Variants in ST6GALNAC3 observed in about 807,000 individuals in gnomAD.
ST6GALNAC3 encodes alpha-N-acetylgalactosaminide alpha-2,6-sialyltransferase 3.
A neutral mutation model predicts 32.7 loss-of-function variants in ST6GALNAC3; 25 were observed. That is an observed-to-expected ratio of 0.76 (90% CI 0.56 to 1.07). The LOEUF is 1.07. Among genes scored for constraint, ST6GALNAC3 ranks in the 50% least tolerant of loss-of-function variants. The pLI, the probability that ST6GALNAC3 is intolerant of heterozygous loss-of-function variation, is 0.00. For synonymous variants in ST6GALNAC3, 129 were observed against 133.1 expected (o/e 0.97, Z 0.21); for missense variants, 355 against 382.4 (o/e 0.93, Z 0.60).
intron 2 of ST6GALNAC3, among the ~76,000 whole-genome samples, chr1:76,325,323 T>C (rs1647047171): frequency 6.6e-6 from 1 of 152,224 alleles, no homozygotes; most frequent in African/African-American, 2.4e-5. Context: ...AAATAATTCC[T>C]GTCCTCTTTA....
At chr1:76,205,837 A>C (rs1277328335) in intron 1 of ST6GALNAC3, among the ~76,000 whole-genome samples, 4 of 46,250 alleles carry the variant, frequency 8.6e-5, no homozygotes, top group Non-Finnish European at 2.3e-4. Context: ...AGCACTAGGG[A>C]TGTTAAAGAT....
chr1:76,536,893 A>G (rs1663644916), intron 3 of ST6GALNAC3, among the ~76,000 whole-genome samples: 1 of 152,130 alleles, frequency 6.6e-6, no homozygotes, highest in South Asian at 2.1e-4. Flanking sequence ...ATAGTGGGAG[A>G]CTTTTACACC....
At chr1:76,512,632 G>A (rs1386924002) in intron 3 of ST6GALNAC3, among the ~76,000 whole-genome samples, 1 of 151,976 alleles carries the variant, frequency 6.6e-6, no homozygotes, top group Non-Finnish European at 1.5e-5. Context: ...ATTAACAATT[G>A]TCACCTACTG....
chr1:76,140,825 T>C (rs1291774648), intron 1 of ST6GALNAC3, among the ~76,000 whole-genome samples: 3 of 143,030 alleles, frequency 2.1e-5, no homozygotes, highest in Non-Finnish European at 4.5e-5. Flanking sequence ...TTTTTTGGTA[T>C]AGAGGGTCTT....
At chr1:76,165,729 A>C (rs913077705) in intron 1 of ST6GALNAC3, among the ~76,000 whole-genome samples, 2 of 152,192 alleles carry the variant, frequency 1.3e-5, no homozygotes, top group Non-Finnish European at 2.9e-5. Flanking sequence ...GTGAGATGGC[A>C]TCTCATTGTG....
At chr1:76,432,001 C>T (rs1340675501) in intron 3 of ST6GALNAC3, among the ~76,000 whole-genome samples, 1 of 152,190 alleles carries the variant, frequency 6.6e-6, no homozygotes, top group Non-Finnish European at 1.5e-5. Context: ...CTCTCTCTCC[C>T]CTAACCCCTA....
intron 1 of ST6GALNAC3, among the ~76,000 whole-genome samples, chr1:76,287,160 G>A (rs779026245): frequency 1.1e-4 from 17 of 152,174 alleles, no homozygotes; most frequent in Non-Finnish European, 2.2e-4. Context: ...TGGGAAAATA[G>A]TCTTGAAGAG....
chr1:76,469,896 G>A (rs1375151192), intron 3 of ST6GALNAC3, among the ~76,000 whole-genome samples: 1 of 151,990 alleles, frequency 6.6e-6, no homozygotes. Context: ...ATTTGCCCAG[G>A]GGTTACAAGG....
chr1:76,490,787 C>A, intron 3 of ST6GALNAC3, among the ~76,000 whole-genome samples: 1 of 152,064 alleles, frequency 6.6e-6, no homozygotes, highest in Admixed American at 6.6e-5. Context: ...GTTACACCTA[C>A]TCCCCGTCTT....
chr1:76,236,876 A>G (rs751271749), intron 1 of ST6GALNAC3, among the ~76,000 whole-genome samples: 2 of 152,230 alleles, frequency 1.3e-5, no homozygotes, highest in African/African-American at 4.8e-5. Flanking sequence ...CAGATAAAAG[A>G]TAGTCATTTT....
intron 1 of ST6GALNAC3, among the ~76,000 whole-genome samples, chr1:76,128,044 C>G (rs1178274430): frequency 2.0e-5 from 3 of 152,102 alleles, no homozygotes; most frequent in Non-Finnish European, 2.9e-5. Flanking sequence ...GGCTGCCAAT[C>G]CCAGGTGGGG....
intron 2 of ST6GALNAC3, among the ~76,000 whole-genome samples, chr1:76,321,828 G>A (rs977434061): frequency 3.3e-5 from 5 of 152,244 alleles, no homozygotes; most frequent in East Asian, 1.9e-4. Context: ...ATTGCTAGTC[G>A]TACTCAACTG....
intron 3 of ST6GALNAC3, among the ~76,000 whole-genome samples, chr1:76,435,677 T>C (rs1656090354): frequency 6.6e-6 from 1 of 152,100 alleles, no homozygotes; most frequent in African/African-American, 2.4e-5. Context: ...TCTTTTTTCT[T>C]TCTGAAAAAG....
intron 3 of ST6GALNAC3, among the ~76,000 whole-genome samples, chr1:76,588,079 A>C (rs1646989988): frequency 6.6e-6 from 1 of 152,134 alleles, no homozygotes; most frequent in South Asian, 2.1e-4. Context: ...TCTGCTCCTG[A>C]CCAGACCAGA....
intron 2 of ST6GALNAC3, among the ~76,000 whole-genome samples, chr1:76,341,665 CTTTCTTTCTTTCT>C (rs1557803855): frequency 5.0e-4 from 72 of 144,642 alleles, no homozygotes; most frequent in South Asian, 4.7e-3. Context: ...TTCTTTCTTT[CTTTCTTTCTTTCT>C]TTCCTTCTTT....
chr1:76,082,983 C>T (rs749702639), intron 1 of ST6GALNAC3, among the ~76,000 whole-genome samples: 3 of 151,866 alleles, frequency 2.0e-5, no homozygotes, highest in Admixed American at 6.6e-5. Flanking sequence ...TGAAAACTAT[C>T]GCACGTAAAA....
At chr1:76,559,566 T>A (rs1413157658) in intron 3 of ST6GALNAC3, among the ~76,000 whole-genome samples, 2 of 152,150 alleles carry the variant, frequency 1.3e-5, no homozygotes, top group East Asian at 3.9e-4. Context: ...AAGGGTACCA[T>A]CAAGAAAATG....
chr1:76,576,211 A>G (rs932605312), intron 3 of ST6GALNAC3, among the ~76,000 whole-genome samples: 1 of 151,998 alleles, frequency 6.6e-6, no homozygotes, highest in African/African-American at 2.4e-5. Flanking sequence ...GTTATTGGCA[A>G]TTAGTTATTA....
chr1:76,479,760 C>T (rs913062994), intron 3 of ST6GALNAC3, among the ~76,000 whole-genome samples: 1 of 152,066 alleles, frequency 6.6e-6, no homozygotes, highest in Non-Finnish European at 1.5e-5. Flanking sequence ...AACAGATGAA[C>T]TTTGGGGGAC....
Sources: gnomAD v4.1 joint callset for allele counts (sites outside exome capture counted in the v4.1 genomes callset) on GRCh38, gnomAD v4.1.1 for gene constraint, MANE v1.5 for transcripts, NCBI Gene and HGNC (gene_info 2026-07-23, HGNC 2026-07-21) for gene names.